Variants in TASP1 observed in about 807,000 individuals in gnomAD.
TASP1 encodes taspase 1, also known as threonine aspartase 1.
Under a neutral mutation model 56.6 loss-of-function variants are expected in TASP1, and 16 were observed. The observed-to-expected ratio is 0.28, with a 90% CI of 0.19 to 0.43. The LOEUF (loss-of-function observed/expected upper bound fraction) is 0.43. Ranked by LOEUF, TASP1 falls within the 20% of genes least tolerant of loss-of-function variation. The probability of loss-of-function intolerance (pLI) is 1.00; values close to 1 mark genes in which losing one functional copy is unlikely to be tolerated. For missense variants in TASP1, 393 were observed against 511.6 expected, an observed-to-expected ratio of 0.77 and a Z score of 2.24; for synonymous variants, 179 against 184.2, an observed-to-expected ratio of 0.97 and a Z score of 0.23.
chr20:13,361,765 G>GT, the TASP1 span, among the ~76,000 whole-genome samples: 1 of 151,952 alleles, frequency 6.6e-6, no homozygotes, highest in East Asian at 1.9e-4. Context: ...AGTTTACACT[G>GT]TTTTTCCAAG....
At chr20:13,200,129 T>C in the TASP1 span, among the ~76,000 whole-genome samples, 4 of 152,228 alleles carry the variant, frequency 2.6e-5, no homozygotes, top group Non-Finnish European at 5.9e-5. Flanking sequence ...GCATTGACTT[T>C]CCACATCTGA....
intron 12 of TASP1, among the ~76,000 whole-genome samples, chr20:13,431,829 A>G (rs2042819405): frequency 6.6e-6 from 1 of 152,110 alleles, no homozygotes; most frequent in Non-Finnish European, 1.5e-5. Context: ...TGGTTTTATA[A>G]GAAGATGAAG....
intron 1 of TASP1, 108 bp downstream of exon 1, chr20:13,638,786 C>A (rs1236312874): frequency 1.3e-5 from 2 of 152,434 alleles, no homozygotes; most frequent in Non-Finnish European, 2.9e-5. Context: ...GCGCCGCCCC[C>A]TCTCGGACCC....
At chr20:13,536,668 A>C (rs1029024423) in intron 8 of TASP1, among the ~76,000 whole-genome samples, 1 of 152,102 alleles carries the variant, frequency 6.6e-6, no homozygotes, top group African/African-American at 2.4e-5. Flanking sequence ...AAATTTTTAC[A>C]CACTTTTTTC....
intron 13 of TASP1, among the ~76,000 whole-genome samples, chr20:13,399,640 ATAATG>A (rs2041664744): frequency 6.6e-6 from 1 of 152,182 alleles, no homozygotes; most frequent in Non-Finnish European, 1.5e-5. Context: ...ACCTGTGTGG[ATAATG>A]CTCTAGTCCA....
At chr20:13,599,279 A>G (rs1446449010) in intron 4 of TASP1, among the ~76,000 whole-genome samples, 2 of 152,202 alleles carry the variant, frequency 1.3e-5, no homozygotes, top group African/African-American at 4.8e-5. Context: ...GAACCAACCT[A>G]AACATCCATC....
chr20:13,248,352 T>A, the TASP1 span, among the ~76,000 whole-genome samples: 9 of 152,306 alleles, frequency 5.9e-5, no homozygotes, highest in East Asian at 1.7e-3. Context: ...GGAAGAACCA[T>A]GTCACTGGAA....
the TASP1 span, among the ~76,000 whole-genome samples, chr20:13,290,666 A>G: frequency 6.6e-6 from 1 of 152,220 alleles, no homozygotes; most frequent in East Asian, 1.9e-4. Flanking sequence ...TCAAAACAAA[A>G]AAAGAAAGAA....
At chr20:13,290,184 C>A in the TASP1 span, among the ~76,000 whole-genome samples, 1 of 152,132 alleles carries the variant, frequency 6.6e-6, no homozygotes, top group South Asian at 2.1e-4. Flanking sequence ...CTTTCCCATG[C>A]TCATTAGGAT....
chr20:13,139,465 C>A, the TASP1 span, among the ~76,000 whole-genome samples: 55 of 152,186 alleles, frequency 3.6e-4, no homozygotes, highest in Non-Finnish European at 1.2e-4. Flanking sequence ...AAGAACCCAG[C>A]CTCCTTCCAT....
At chr20:13,474,241 G>A (rs777793183) in intron 11 of TASP1, among the ~76,000 whole-genome samples, 6 of 152,062 alleles carry the variant, frequency 3.9e-5, no homozygotes, top group Admixed American at 1.3e-4. Flanking sequence ...TCACCTGAGC[G>A]GTATATACTG....
At chr20:13,149,958 C>T in the TASP1 span, among the ~76,000 whole-genome samples, 1 of 152,174 alleles carries the variant, frequency 6.6e-6, no homozygotes, top group Non-Finnish European at 1.5e-5. Context: ...CAAGGGGGAA[C>T]ATGTAGGAAT....
At chr20:13,416,753 C>T (rs1035336173) in intron 13 of TASP1, among the ~76,000 whole-genome samples, 2 of 152,160 alleles carry the variant, frequency 1.3e-5, no homozygotes, top group Non-Finnish European at 1.5e-5. Flanking sequence ...ACAAGAAGAA[C>T]ATGAGGCCAA....
At chr20:13,290,224 T>C in the TASP1 span, among the ~76,000 whole-genome samples, 160 of 151,824 alleles carry the variant, frequency 1.1e-3, no homozygotes, top group African/African-American at 3.8e-3. Flanking sequence ...GTGGGTGGAA[T>C]CTGGATGTGT....
At chr20:13,426,521 C>T (rs2042622680) in intron 12 of TASP1, among the ~76,000 whole-genome samples, 1 of 152,016 alleles carries the variant, frequency 6.6e-6, no homozygotes, top group African/African-American at 2.4e-5. Flanking sequence ...TTCCAATATT[C>T]AGAGTATATT....
At chr20:13,552,403 C>G (rs1325169165) in intron 8 of TASP1, among the ~76,000 whole-genome samples, 3 of 152,008 alleles carry the variant, frequency 2.0e-5, no homozygotes, top group African/African-American at 7.2e-5. Flanking sequence ...CAAAACAAAA[C>G]AAAAGTGATA....
intron 13 of TASP1, among the ~76,000 whole-genome samples, chr20:13,400,258 G>A (rs1430771982): frequency 1.3e-5 from 2 of 152,122 alleles, no homozygotes; most frequent in Admixed American, 1.3e-4. Flanking sequence ...CAAAAAATGA[G>A]ATACTGTGTT....
chr20:13,499,628 T>C (rs1242527466), intron 10 of TASP1, among the ~76,000 whole-genome samples: 3 of 152,088 alleles, frequency 2.0e-5, no homozygotes, highest in Non-Finnish European at 4.4e-5. Context: ...AGTCAAGAGT[T>C]GAGGATGGTG....
the TASP1 span, among the ~76,000 whole-genome samples, chr20:13,220,757 C>T: frequency 2.0e-5 from 3 of 152,374 alleles, no homozygotes; most frequent in South Asian, 4.1e-4. Context: ...CACTCCTCCT[C>T]TCCCCCGACT....
Sources: gnomAD v4.1 joint callset for allele counts (sites outside exome capture counted in the v4.1 genomes callset) on GRCh38, gnomAD v4.1.1 for gene constraint, MANE v1.5 for transcripts, NCBI Gene and HGNC (gene_info 2026-07-23, HGNC 2026-07-21) for gene names.